The following DPP6 variants were observed in gnomAD, a reference collection of about 807,000 sequenced individuals.
DPP6 encodes dipeptidyl peptidase like 6, also known as A-type potassium channel modulatory protein DPP6.
DPP6 carries 69 observed loss-of-function variants against 122.6 expected under a neutral mutation model. That is an observed-to-expected ratio of 0.56 (90% CI 0.46 to 0.69). The LOEUF is 0.69. DPP6 is among the 30% of genes least tolerant of loss of function. The pLI is 0.00. For synonymous variants in DPP6, 418 were observed against 433.1 expected, an observed-to-expected ratio of 0.97 and a Z score of 0.43; for missense variants, 928 against 1,116.9, an observed-to-expected ratio of 0.83 and a Z score of 2.41.
chr7:154,638,008 GCAC>G, intron 6 of DPP6, 135 bp downstream of exon 6: 2 of 936,334 alleles, frequency 2.1e-6, no homozygotes, highest in Non-Finnish European at 3.2e-6. Flanking sequence ...TGGTATCGTG[GCAC>G]CTCTGGGACT....
chr7:154,274,012 C>T (rs1803968849), intron 1 of DPP6, among the ~76,000 whole-genome samples: 2 of 152,188 alleles, frequency 1.3e-5, no homozygotes, highest in South Asian at 4.1e-4. Context: ...AGCCAGACAA[C>T]AGTGTCTTGT....
intron 3 of DPP6, among the ~76,000 whole-genome samples, chr7:154,529,316 C>T (rs1346211190): frequency 6.6e-6 from 1 of 152,158 alleles, no homozygotes; most frequent in African/African-American, 2.4e-5. Flanking sequence ...GGCAGGTCAG[C>T]TAAAGAGCTT....
intron 7 of DPP6, among the ~76,000 whole-genome samples, chr7:154,694,496 C>A (rs1840103870): frequency 6.6e-6 from 1 of 152,144 alleles, no homozygotes; most frequent in African/African-American, 2.4e-5. Flanking sequence ...CCTGTAATCC[C>A]AGCTACTGGG....
intron 5 of DPP6, among the ~76,000 whole-genome samples, chr7:154,572,543 G>A (rs1486217695): frequency 3.0e-5 from 3 of 99,408 alleles, no homozygotes; most frequent in South Asian, 6.8e-4. Context: ...TTTTGGTGGT[G>A]TCTCACTCTG....
chr7:154,155,563 G>C (rs1357138736), intron 1 of DPP6, among the ~76,000 whole-genome samples: 1 of 152,196 alleles, frequency 6.6e-6, no homozygotes, highest in African/African-American at 2.4e-5. Context: ...ATAAGCACTT[G>C]AGTTACAGAA....
intron 1 of DPP6, among the ~76,000 whole-genome samples, chr7:153,904,629 TGATTGAAC>T (rs1236807760): frequency 6.6e-6 from 1 of 152,206 alleles, no homozygotes; most frequent in Admixed American, 6.5e-5. Flanking sequence ...TTCTCACTAT[TGATTGAAC>T]GTCTCATACG....
At chr7:154,822,037 G>A (rs967363060) in intron 16 of DPP6, among the ~76,000 whole-genome samples, 1 of 151,938 alleles carries the variant, frequency 6.6e-6, no homozygotes, top group Non-Finnish European at 1.5e-5. Flanking sequence ...TACAACCTCC[G>A]AGATTCAACC....
chr7:154,718,886 C>T (rs1024317978), intron 7 of DPP6, among the ~76,000 whole-genome samples: 2 of 151,986 alleles, frequency 1.3e-5, no homozygotes, highest in African/African-American at 2.4e-5. Flanking sequence ...GTGATCCACC[C>T]GCCTCGGCCT....
Position 154,521,456 on chromosome 7 carries a change from G to A in DPP6, c.458-19076G>A, listed in dbSNP as rs146655088. On this transcript the variant is annotated intron_variant, in intron 3 of 25. Transcript: ENST00000377770. The stretch of plus-strand genomic sequence containing the variant: ...TTCGTTGTTTCAGTGGGGTTTCAGT[G>A]TATCAAGCTGTTTAAAAGTCTAAAC... Among the ~76,000 whole-genome samples, 917 of 151,598 alleles carry A rather than the reference G, an allele frequency of 6.0e-3. 6 individuals carry two copies. Among genetic ancestry groups the A allele is most frequent in the Middle Eastern group, 0.024 (7 of 294 alleles).
the DPP6 span, among the ~76,000 whole-genome samples, chr7:153,869,438 G>T: frequency 2.0e-5 from 3 of 152,124 alleles, no homozygotes; most frequent in African/African-American, 7.2e-5. Flanking sequence ...ATCTTTGTTG[G>T]TTTAAAGTCT....
intron 16 of DPP6, among the ~76,000 whole-genome samples, chr7:154,826,315 T>C (rs74744128): frequency 0.018 from 2,734 of 152,336 alleles, 83 homozygotes; most frequent in African/African-American, 0.062. Flanking sequence ...GACATTAAAT[T>C]GGGTGTATAT....
chr7:153,956,145 T>G (rs2129024881), intron 1 of DPP6, among the ~76,000 whole-genome samples: 1 of 152,234 alleles, frequency 6.6e-6, no homozygotes, highest in South Asian at 2.1e-4. Context: ...TAGGAGGCAG[T>G]GAAGTTGACG....
At chr7:154,106,604 G>A (rs940260157) in intron 1 of DPP6, among the ~76,000 whole-genome samples, 2 of 150,074 alleles carry the variant, frequency 1.3e-5, no homozygotes, top group Non-Finnish European at 1.5e-5. Flanking sequence ...TAGGAAATGG[G>A]AAAGGGGCTG....
At chr7:154,577,064 G>A (rs1831727854) in intron 5 of DPP6, among the ~76,000 whole-genome samples, 2 of 152,126 alleles carry the variant, frequency 1.3e-5, no homozygotes, top group African/African-American at 4.8e-5. Context: ...CATAGGAGAA[G>A]TGAAAATATG....
At chr7:154,182,129 G>C (rs2150748928) in intron 1 of DPP6, among the ~76,000 whole-genome samples, 1 of 152,198 alleles carries the variant, frequency 6.6e-6, no homozygotes, top group South Asian at 2.1e-4. Flanking sequence ...GATCCTGCTT[G>C]GGTTTAGGAG....
chr7:154,719,267 A>G (rs1402827432), intron 7 of DPP6, among the ~76,000 whole-genome samples: 3 of 152,138 alleles, frequency 2.0e-5, no homozygotes, highest in African/African-American at 4.8e-5. Flanking sequence ...CTCCAGAGCA[A>G]TGATGTTCTG....
intron 15 of DPP6, 90 bp downstream of exon 15, chr7:154,805,054 G>C: frequency 4.0e-6 from 6 of 1,504,802 alleles, no homozygotes; most frequent in Non-Finnish European, 5.4e-6. Flanking sequence ...AGTTCGGAAA[G>C]GGCGGCAGCA....
rs59406009 is a variant in DPP6, at chr7:154,608,494, A to ATTTTT, written c.628-29317_628-29313dup. Among the ~76,000 whole-genome samples, 16 of 138,672 alleles carry ATTTTT rather than the reference A, an allele frequency of 1.2e-4. No individual in the cohort carries two copies. In the East Asian group the frequency reaches 2.4e-3, roughly 20 times the overall value. The allele number at this position is 138,672 out of a possible 152,430, so 91.0% of individuals were successfully genotyped here. A position where few individuals can be genotyped will look rare whatever the true frequency, so the allele number is the denominator to read the frequency against. On this transcript the variant is annotated intron_variant, in intron 5 of 25. Transcript: ENST00000377770. Reference sequence around the variant, plus strand: ...AGGAGCGTGCCACTACACCTGGCTAATTTTTTTTTTTTTTGTATTTTTAGT... The same window carrying ATTTTT: ...AGGAGCGTGCCACTACACCTGGCTAATTTTTTTTTTTTTTTTTTTGTATTTTTAGT...
At chr7:154,838,097 T>TCC (rs1422249862) in intron 16 of DPP6, among the ~76,000 whole-genome samples, 2 of 152,182 alleles carry the variant, frequency 1.3e-5, no homozygotes, top group Non-Finnish European at 2.9e-5. Context: ...TGAGGTTTGG[T>TCC]TGGTGGCACT....
Sources: allele counts gnomAD v4.1 joint callset (sites outside exome capture counted in the v4.1 genomes callset), GRCh38; gene constraint gnomAD v4.1.1; transcripts MANE v1.5; gene names NCBI Gene and HGNC (gene_info 2026-07-23, HGNC 2026-07-21).